The following FBXO39 variants were observed in gnomAD, a reference collection of about 807,000 sequenced individuals.
FBXO39 encodes F-box protein 39, also known as F-box only protein 39.
In FBXO39, 22 loss-of-function variants were observed where a neutral mutation model predicts 36.6. The observed-to-expected ratio is 0.60, with a 90% CI of 0.43 to 0.86. The LOEUF (loss-of-function observed/expected upper bound fraction) is 0.86, where lower values mean the gene tolerates loss of function less well. Among genes scored for constraint, FBXO39 ranks in the 40% least tolerant of loss-of-function variants. The pLI is 0.00. For synonymous variants in FBXO39, 206 were observed against 205.8 expected, an observed-to-expected ratio of 1.00 and a Z score of -0.01; for missense variants, 536 against 543.9, an observed-to-expected ratio of 0.99 and a Z score of 0.14.
At chr17:6,779,724 A>G (rs1402700004) in intron 1 of FBXO39, 65 bp from the exon 2 acceptor site, 1 of 855,522 alleles carries the variant, frequency 1.2e-6, no homozygotes, top group Non-Finnish European at 1.8e-6. Flanking sequence ...CCACAGGGAA[A>G]GCTGGTTCAT....
intron 2 of FBXO39, among the ~76,000 whole-genome samples, chr17:6,781,418 T>C (rs894861002): frequency 2.0e-5 from 3 of 152,164 alleles, no homozygotes; most frequent in African/African-American, 7.2e-5. Context: ...TGTTCCCTAA[T>C]CTAGTAGCTT....
Position 6,786,711 on chromosome 17 carries a change from G to A in FBXO39, c.1024-69G>A, listed in dbSNP as rs549440351. On this transcript the variant is annotated intron_variant, in intron 2 of 3. Coordinates refer to ENST00000321535, the MANE Select transcript of FBXO39 (RefSeq NM_153230.3). ...AGGCCCAGAGCCAGGTCGTGGAAAT[G>A]TTACAGAACAACTCAGCCAGGCTCA... The A allele has an allele frequency of 8.0e-6, 11 of 1,377,532 alleles. No homozygotes were observed. In the Middle Eastern group the frequency reaches 1.0e-3, roughly 125 times the overall value. 85.3% of individuals were successfully genotyped at this position (1,377,532 alleles called of 1,614,324 possible).
chr17:6,787,061 C>T, intron 3 of FBXO39, 105 bp downstream of exon 3: 2 of 1,386,772 alleles, frequency 1.4e-6, no homozygotes, highest in Non-Finnish European at 9.8e-7. Flanking sequence ...GGACAATCAT[C>T]TGTTCATTGA....
rs1299898342 is a variant in FBXO39 at position 6,787,368 on chromosome 17, G to A, written c.1269G>A (p.Lys423=). ...EDKTLQEIYR[K]YRKLIESELS... Reference sequence around the variant, plus strand: ...AGACCCTGCAGGAAATTTACAGGAAGTACAGAAAGCTGATCGAATCAGAGC... The same window carrying A: ...AGACCCTGCAGGAAATTTACAGGAAATACAGAAAGCTGATCGAATCAGAGC... Residue 423 remains lysine (K), a synonymous_variant, in exon 4 of 4, where the codon AAG becomes AAA. Transcript: ENST00000321535. 6 of 1,613,952 alleles carry A rather than the reference G, an allele frequency of 3.7e-6. No individual in the cohort carries two copies. The highest frequency in any genetic ancestry group is 1.3e-5 in the African/African-American group (1 of 74,918).
chr17:6,778,243 AC>A lies in FBXO39; in HGVS notation c.-80-1545del, dbSNP rs373516340. ...ATACAGACAAAAAGACACACGTCAA[AC>A]ACACTTGAACAGTTGCCTATGGTGG... On this transcript the variant is annotated intron_variant, in intron 1 of 3. Transcript: ENST00000321535. Among the ~76,000 whole-genome samples, 260 of 152,374 alleles carry A rather than the reference AC, an allele frequency of 1.7e-3. 1 individual carries two copies. Among genetic ancestry groups the A allele is most frequent in the African/African-American group, 6.0e-3 (250 of 41,580 alleles).
rs756354464 is a variant in FBXO39, at chr17:6,787,478, C to G, written c.*50C>G. 6.2e-7 allele frequency: 1 copy of G among 1,606,180 alleles called. No individual in the cohort carries two copies. The highest frequency in any genetic ancestry group is 1.1e-5 in the South Asian group (1 of 90,478). On this transcript the variant is annotated 3_prime_UTR_variant, in exon 4 of 4. Coordinates refer to ENST00000321535, the MANE Select transcript of FBXO39 (RefSeq NM_153230.3). ...CTGGGAGCACTTTGAACTTGAAAATCATTTCTCTTAGAACTACACTTGGGC... is the reference window on the plus strand; with the variant it reads ...CTGGGAGCACTTTGAACTTGAAAATGATTTCTCTTAGAACTACACTTGGGC...
In FBXO39 at chr17:6,780,784, A is replaced by T. The variant is rs751609367; in HGVS notation, c.916A>T (p.Ile306Phe). The stretch of plus-strand genomic sequence containing the variant: ...CTTGGCCCGAATCCTCTTGCAGGAG[A>T]TCCCGATCAGGAGCATCAGTCTGAG... ...ERLARILLQE[I>F]PIRSISLRSC... The change falls in exon 2 of 4, where the codon ATC becomes TTC. Residue 306 changes from isoleucine to phenylalanine, a missense_variant. Transcript: ENST00000321535. 1 of 1,614,100 alleles carries T rather than the reference A, an allele frequency of 6.2e-7. No homozygotes were observed. Among genetic ancestry groups the T allele is most frequent in the Non-Finnish European group, 8.5e-7 (1 of 1,180,026 alleles).
At chr17:6,781,669 G>C (rs191867688) in intron 2 of FBXO39, among the ~76,000 whole-genome samples, 1 of 152,270 alleles carries the variant, frequency 6.6e-6, no homozygotes. Context: ...GTCCACTGCA[G>C]GGCTGGGACG....
chr17:6,785,048 A>G (rs567250028), intron 2 of FBXO39, among the ~76,000 whole-genome samples: 1 of 151,936 alleles, frequency 6.6e-6, no homozygotes, highest in Non-Finnish European at 1.5e-5. Context: ...CCTGACTTCA[A>G]ATTATATTAC....
chr17:6,782,489 G>A (rs1384741599), intron 2 of FBXO39, among the ~76,000 whole-genome samples: 2 of 152,058 alleles, frequency 1.3e-5, no homozygotes, highest in East Asian at 3.9e-4. Context: ...TGGCTGAACA[G>A]ATTAAAAAGA....
chr17:6,779,690 G>A, intron 1 of FBXO39, 99 bp from the exon 2 acceptor site: 1 of 634,086 alleles, frequency 1.6e-6, no homozygotes, highest in East Asian at 2.8e-5. Flanking sequence ...CCCACACCTG[G>A]CACAGTGCCT....
chr17:6,785,404 T>C (rs1044871505), intron 2 of FBXO39, among the ~76,000 whole-genome samples: 1 of 152,120 alleles, frequency 6.6e-6, no homozygotes, highest in East Asian at 1.9e-4. Context: ...CAAGAAAACA[T>C]TGGGGAAACT....
At chr17:6,784,038 G>A (rs1462621987) in intron 2 of FBXO39, among the ~76,000 whole-genome samples, 4 of 151,852 alleles carry the variant, frequency 2.6e-5, no homozygotes, top group South Asian at 2.1e-4. Flanking sequence ...AACCAAATTC[G>A]ACAACACATT....
chr17:6,787,059 A>T (rs1163191618), intron 3 of FBXO39, 103 bp downstream of exon 3: 1 of 1,390,476 alleles, frequency 7.2e-7, no homozygotes, highest in African/African-American at 1.5e-5. Context: ...GGGGACAATC[A>T]TCTGTTCATT....
At chr17:6,785,528 A>G (rs927047133) in intron 2 of FBXO39, among the ~76,000 whole-genome samples, 2 of 152,190 alleles carry the variant, frequency 1.3e-5, no homozygotes, top group Admixed American at 6.5e-5. Flanking sequence ...CTGTACAATG[A>G]AGGAAACAAT....
intron 3 of FBXO39, 108 bp from the exon 4 acceptor site, chr17:6,787,192 G>C (rs1050730905): frequency 1.3e-6 from 2 of 1,497,994 alleles, no homozygotes. Context: ...GATCATTTAA[G>C]TTGCTGTCAA....
intron 1 of FBXO39, among the ~76,000 whole-genome samples, chr17:6,777,758 G>T (rs896162925): frequency 2.0e-5 from 3 of 152,204 alleles, no homozygotes; most frequent in African/African-American, 7.2e-5. Flanking sequence ...CAAGGACACA[G>T]ATTATACAAA....
At chr17:6,787,219 T>C (rs1461267181) in intron 3 of FBXO39, 81 bp from the exon 4 acceptor site, 3 of 1,552,222 alleles carry the variant, frequency 1.9e-6, no homozygotes, top group Non-Finnish European at 2.6e-6. Flanking sequence ...AAAAGTGTAG[T>C]CACCGTGTGT....
At chr17:6,776,866 T>A (rs79859366) in intron 1 of FBXO39, among the ~76,000 whole-genome samples, 1,658 of 151,968 alleles carry the variant, frequency 0.011, 9 homozygotes, top group South Asian at 0.027. Context: ...GTCATCCGAC[T>A]GTAATGGGCA....
Sources: gnomAD v4.1 joint callset for allele counts (sites outside exome capture counted in the v4.1 genomes callset) on GRCh38, gnomAD v4.1.1 for gene constraint, MANE v1.5 for transcripts, NCBI Gene and HGNC (gene_info 2026-07-23, HGNC 2026-07-21) for gene names.